The following GABRR3 variants were observed in gnomAD, a reference collection of about 807,000 sequenced individuals.
The protein encoded by GABRR3 is gamma-aminobutyric acid type A receptor subunit rho3.
GABRR3 carries 29 observed loss-of-function variants against 43.2 expected under a neutral mutation model. The ratio of observed to expected loss-of-function variants is 0.67; its 90% CI spans 0.50 to 0.92. The LOEUF (loss-of-function observed/expected upper bound fraction) is 0.92. Among genes scored for constraint, GABRR3 ranks in the 40% least tolerant of loss-of-function variants. The pLI, the probability that GABRR3 is intolerant of heterozygous loss-of-function variation, is 0.00. For missense variants in GABRR3, 576 were observed against 572.3 expected (o/e 1.01, Z -0.07); for synonymous variants, 206 against 195.9 (o/e 1.05, Z -0.43).
At chr3:98,024,091 C>G (rs1420394403) in intron 3 of GABRR3, among the ~76,000 whole-genome samples, 1 of 152,206 alleles carries the variant, frequency 6.6e-6, no homozygotes, top group Non-Finnish European at 1.5e-5. Flanking sequence ...GGTGTGGTGG[C>G]TTACACCTGT....
intron 2 of GABRR3, among the ~76,000 whole-genome samples, chr3:98,032,343 T>C (rs1332021413): frequency 6.6e-6 from 1 of 152,206 alleles, no homozygotes; most frequent in Non-Finnish European, 1.5e-5. Context: ...CTGAAAATGA[T>C]TGGCTGTTGC....
chr3:97,999,062 T>C (rs1706598511), intron 8 of GABRR3: 1 of 152,114 alleles, frequency 6.6e-6, no homozygotes, highest in South Asian at 2.1e-4. Flanking sequence ...GTTTCAGATA[T>C]GAAAGGCTCA....
chr3:98,007,270 G>A (rs1023094644), intron 7 of GABRR3, among the ~76,000 whole-genome samples: 1 of 152,122 alleles, frequency 6.6e-6, no homozygotes, highest in African/African-American at 2.4e-5. Context: ...AATATTGGGG[G>A]AAAGCACCCC....
At position 98,001,608 on chromosome 3, in the gene GABRR3, G is replaced by T. The variant is rs776074141; in HGVS notation, c.907+7C>A. 8.7e-6 allele frequency: 14 copies of T among 1,612,474 alleles called. No homozygotes were observed. Among genetic ancestry groups the T allele is most frequent in the South Asian group, 4.4e-5 (4 of 90,996 alleles). On this transcript the variant is annotated splice_region_variant and intron_variant, in intron 8 of 9. Coordinates refer to ENST00000621172, the Ensembl canonical transcript of GABRR3. The stretch of plus-strand genomic sequence containing the variant: ...TTAACATTTTATAAAGATGGGGAAA[G>T]ATTTACCCAGGGAAACTCTTGCAGG...
At position 97,992,661 on chromosome 3, in the gene GABRR3, G is replaced by A. The variant is rs55651302; in HGVS notation, c.1104+191C>T. Among the ~76,000 whole-genome samples, 690 of 152,242 alleles carry A rather than the reference G, an allele frequency of 4.5e-3. 2 individuals are homozygous for A. The highest frequency in any genetic ancestry group is 7.8e-3 in the Admixed American group (119 of 15,300). ...AAAAACTCCTGATGAAGGTGAGTGAGGATAAGAAAACAGCCAGCACAGAGC... is the reference window on the plus strand; with the variant it reads ...AAAAACTCCTGATGAAGGTGAGTGAAGATAAGAAAACAGCCAGCACAGAGC... On this transcript the variant is annotated intron_variant, in intron 9 of 9. Coordinates refer to ENST00000621172, the Ensembl canonical transcript of GABRR3.
intron 3 of GABRR3, among the ~76,000 whole-genome samples, chr3:98,023,192 G>A (rs1004602462): frequency 2.6e-5 from 4 of 152,122 alleles, no homozygotes; most frequent in African/African-American, 9.7e-5. Context: ...GACCGCACTT[G>A]GTTCAAGGTC....
chr3:97,992,820 C>T, intron 9 of GABRR3, 32 bp downstream of exon 9: 2 of 1,557,424 alleles, frequency 1.3e-6, no homozygotes, highest in Non-Finnish European at 1.7e-6. Flanking sequence ...CCACATTCCC[C>T]AAGGGATCTG....
chr3:97,993,060 G>A lies in GABRR3; in HGVS notation c.908-12C>T. 3 of 1,577,466 alleles carry A rather than the reference G, an allele frequency of 1.9e-6. No individual in the cohort carries two copies. The highest frequency in any genetic ancestry group is 1.2e-5 in the South Asian group (1 of 84,284). On this transcript the variant is annotated splice_polypyrimidine_tract_variant and intron_variant, in intron 8 of 9. Coordinates refer to ENST00000621172, the Ensembl canonical transcript of GABRR3. Reference sequence around the variant, plus strand: ...CACTGTGGTGATTCCTGCCATTTGAGAATAGTGGCAAGCTCAGTGATATAG... The same window carrying A: ...CACTGTGGTGATTCCTGCCATTTGAAAATAGTGGCAAGCTCAGTGATATAG...
At chr3:97,996,253 T>C (rs759220001) in intron 8 of GABRR3, among the ~76,000 whole-genome samples, 11 of 152,162 alleles carry the variant, frequency 7.2e-5, no homozygotes, top group Non-Finnish European at 1.5e-4. Flanking sequence ...ATTTTTCATA[T>C]AGGCCTAGGC....
intron 4 of GABRR3, among the ~76,000 whole-genome samples, chr3:98,014,469 A>G (rs1410717991): frequency 1.3e-5 from 2 of 152,254 alleles, no homozygotes; most frequent in African/African-American, 4.8e-5. Flanking sequence ...TATCAGTAAA[A>G]GAGCTGCCTT....
intron 7 of GABRR3, among the ~76,000 whole-genome samples, chr3:98,005,405 A>T (rs2107234852): frequency 6.6e-6 from 1 of 152,280 alleles, no homozygotes; most frequent in East Asian, 1.9e-4. Flanking sequence ...TACACAAAGC[A>T]TGTACATTTG....
intron 9 of GABRR3, among the ~76,000 whole-genome samples, chr3:97,989,366 T>C (rs997506195): frequency 3.4e-5 from 5 of 146,998 alleles, no homozygotes; most frequent in African/African-American, 1.3e-4. Context: ...TGGTGTGTGG[T>C]GGTGTTTGAT....
intron 7 of GABRR3, among the ~76,000 whole-genome samples, chr3:98,003,996 T>C (rs1308959682): frequency 1.3e-5 from 2 of 152,218 alleles, no homozygotes; most frequent in East Asian, 3.9e-4. Context: ...TCTGCCTCCA[T>C]TAGTTTGCCA....
rs374030321 is a variant in GABRR3 at position 98,035,029 on chromosome 3, A to C, written c.-2-40T>G. ...AAACAGAAAGGATGCAGGTGAACGC[A>C]ACCAATACTGTGATCACAGTTTCTT... On this transcript the variant is annotated intron_variant, in intron 1 of 9. Transcript: ENST00000621172. The C allele has an allele frequency of 5.5e-5, 88 of 1,591,782 alleles. 1 individual carries two copies. In the African/African-American group the frequency reaches 1.1e-3, roughly 20 times the overall value.
chr3:98,017,864 A>G (rs2107243279), intron 3 of GABRR3, 142 bp from the exon 4 acceptor site: 1 of 589,316 alleles, frequency 1.7e-6, no homozygotes. Context: ...TCCATTATTC[A>G]TTGAATCAGT....
rs2107232352 is a variant in GABRR3, at chr3:98,001,909, C to A, written c.755-142G>T. The A allele has an allele frequency of 3.9e-6, 3 of 769,198 alleles. No homozygotes were observed. In the South Asian group the frequency reaches 5.7e-5, roughly 15 times the overall value. The allele number at this position is 769,198 out of a possible 1,614,324, so 47.6% of individuals were successfully genotyped here. On this transcript the variant is annotated intron_variant, in intron 7 of 9. Coordinates refer to ENST00000621172, the Ensembl canonical transcript of GABRR3. ...CTCATCTCCATTTAGTTGGGCCTGG[C>A]ACTCCATCAACATTTGTTCAACCAG...
intron 2 of GABRR3, among the ~76,000 whole-genome samples, chr3:98,027,287 T>C (rs1168196614): frequency 6.6e-6 from 1 of 152,216 alleles, no homozygotes; most frequent in African/African-American, 2.4e-5. Flanking sequence ...AGGTTTGGGG[T>C]ATGACAATTT....
intron 7 of GABRR3, among the ~76,000 whole-genome samples, chr3:98,006,562 G>C (rs1316099167): frequency 6.6e-6 from 1 of 152,202 alleles, no homozygotes; most frequent in Non-Finnish European, 1.5e-5. Context: ...TCTGAGAACA[G>C]AGTGGAGAAT....
intron 7 of GABRR3, among the ~76,000 whole-genome samples, chr3:98,005,491 G>A (rs867411708): frequency 3.3e-5 from 5 of 152,004 alleles, no homozygotes; most frequent in Non-Finnish European, 7.4e-5. Flanking sequence ...ACCTTTGAAC[G>A]TTAAAGATTT....
Sources: allele counts gnomAD v4.1 joint callset (sites outside exome capture counted in the v4.1 genomes callset), GRCh38; gene constraint gnomAD v4.1.1; transcripts MANE v1.5; gene names NCBI Gene and HGNC (gene_info 2026-07-23, HGNC 2026-07-21).